The following SNX18 variants were observed in gnomAD, a reference collection of about 807,000 sequenced individuals.
SNX18 encodes the protein sorting nexin-18.
A neutral mutation model predicts 48.7 loss-of-function variants in SNX18; 35 were observed. The observed-to-expected ratio is 0.72, with a 90% CI of 0.55 to 0.95. SNX18 has a LOEUF of 0.95. Ranked by LOEUF, SNX18 falls within the 40% of genes least tolerant of loss-of-function variation. SNX18 has a pLI of 0.00. For missense variants in SNX18, 824 were observed against 871.0 expected, an observed-to-expected ratio of 0.95 and a Z score of 0.68; for synonymous variants, 492 against 384.7, an observed-to-expected ratio of 1.28 and a Z score of -3.26.
chr5:54,582,593 C>T, the SNX18 span, among the ~76,000 whole-genome samples: 3 of 151,472 alleles, frequency 2.0e-5, no homozygotes, highest in Non-Finnish European at 2.9e-5. Context: ...CCAAGACCTC[C>T]GTTCTACTAA....
the SNX18 span, among the ~76,000 whole-genome samples, chr5:54,612,669 C>A: frequency 2.0e-5 from 3 of 152,188 alleles, no homozygotes; most frequent in African/African-American, 4.8e-5. Flanking sequence ...TTGAAGGCAA[C>A]AAGGCATGGT....
the SNX18 span, among the ~76,000 whole-genome samples, chr5:54,558,900 T>C: frequency 6.6e-6 from 1 of 152,118 alleles, no homozygotes; most frequent in African/African-American, 2.4e-5. Context: ...TGCTGAAGAT[T>C]TGGAATAAGT....
chr5:54,607,251 G>A, the SNX18 span, among the ~76,000 whole-genome samples: 1 of 152,246 alleles, frequency 6.6e-6, no homozygotes, highest in East Asian at 1.9e-4. Context: ...TTCCAACCAT[G>A]TGGGCCCCCG....
chr5:54,550,534 G>A (rs981788419), downstream of SNX18, among the ~76,000 whole-genome samples: 1 of 152,164 alleles, frequency 6.6e-6, no homozygotes, highest in African/African-American at 2.4e-5. Flanking sequence ...ATATTTGTAC[G>A]CTACCCTTTG....
the SNX18 span, among the ~76,000 whole-genome samples, chr5:54,566,391 T>G: frequency 6.6e-6 from 1 of 152,332 alleles, no homozygotes; most frequent in East Asian, 1.9e-4. Flanking sequence ...ATGATGAACT[T>G]AAAGCATTTA....
At chr5:54,638,016 C>T in the SNX18 span, among the ~76,000 whole-genome samples, 1 of 130,536 alleles carries the variant, frequency 7.7e-6, no homozygotes, top group Non-Finnish European at 1.8e-5. Flanking sequence ...AGAGAGAGAA[C>T]ATTTTCTCCA....
chr5:54,522,871 T>G (rs990716320), intron 1 of SNX18, among the ~76,000 whole-genome samples: 1 of 152,210 alleles, frequency 6.6e-6, no homozygotes, highest in Non-Finnish European at 1.5e-5. Flanking sequence ...TCTGCAGAAG[T>G]GAAGAAAGCG....
the SNX18 span, among the ~76,000 whole-genome samples, chr5:54,565,514 C>T: frequency 2.6e-5 from 4 of 151,854 alleles, no homozygotes; most frequent in East Asian, 5.8e-4. Flanking sequence ...TTGAGGCTGC[C>T]GTGAGCCATG....
the SNX18 span, among the ~76,000 whole-genome samples, chr5:54,633,429 A>AAGCTGGAACTAAAAGTGTGCCTGG: frequency 1.3e-5 from 2 of 152,152 alleles, no homozygotes; most frequent in Non-Finnish European, 2.9e-5. Flanking sequence ...TGACTGAATG[A>AAGCTGGAACTAAAAGTGTGCCTGG]AGCTGGAACT....
the SNX18 span, among the ~76,000 whole-genome samples, chr5:54,637,825 C>T: frequency 3.3e-5 from 5 of 152,210 alleles, no homozygotes; most frequent in Admixed American, 6.5e-5. Context: ...ACCTTGCAAA[C>T]GGCTTCTCTT....
chr5:54,586,856 G>C, the SNX18 span, among the ~76,000 whole-genome samples: 1 of 152,186 alleles, frequency 6.6e-6, no homozygotes, highest in Non-Finnish European at 1.5e-5. Flanking sequence ...CCATGATACA[G>C]AGGAGAGTGG....
At chr5:54,602,188 T>A in the SNX18 span, among the ~76,000 whole-genome samples, 3 of 152,062 alleles carry the variant, frequency 2.0e-5, no homozygotes, top group African/African-American at 7.2e-5. Context: ...GATGTGGAAT[T>A]GGAGGGGTGA....
At chr5:54,637,710 T>G in the SNX18 span, among the ~76,000 whole-genome samples, 1 of 152,218 alleles carries the variant, frequency 6.6e-6, no homozygotes, top group Non-Finnish European at 1.5e-5. Flanking sequence ...AACAGTTGTG[T>G]CAAAATGGCC....
the SNX18 span, among the ~76,000 whole-genome samples, chr5:54,555,290 T>C: frequency 6.6e-6 from 1 of 152,212 alleles, no homozygotes; most frequent in African/African-American, 2.4e-5. Context: ...GGTATAATTC[T>C]CCTGCCTTCC....
the SNX18 span, among the ~76,000 whole-genome samples, chr5:54,569,230 G>C: frequency 6.6e-6 from 1 of 152,130 alleles, no homozygotes; most frequent in South Asian, 2.1e-4. Flanking sequence ...TCAGAAACTA[G>C]AGGAAGGTAT....
chr5:54,571,339 A>G, the SNX18 span, among the ~76,000 whole-genome samples: 1 of 152,086 alleles, frequency 6.6e-6, no homozygotes, highest in Non-Finnish European at 1.5e-5. Context: ...TTTTTCTTCT[A>G]TAGTCCATGA....
At chr5:54,609,881 C>T in the SNX18 span, among the ~76,000 whole-genome samples, 1 of 152,004 alleles carries the variant, frequency 6.6e-6, no homozygotes, top group African/African-American at 2.4e-5. Context: ...GTAGATTTCA[C>T]ATGAATGGTT....
chr5:54,518,691 G>C lies in SNX18; in HGVS notation c.739G>C (p.Glu247Gln), dbSNP rs141661757. ...CGGCGGGGAGGCCTTCGTGCTGGGG[G>C]AGGCGTCAGGCTTCGTGAAGGACGG... ...KSGGEAFVLG[E>Q]ASGFVKDGDK... Residue 247 changes from glutamate to glutamine, a missense_variant, in exon 1 of 2, where the codon GAG becomes CAG. By Grantham distance (29) the Glu-to-Gln change is conservative (BLOSUM62 2). Around this residue, in one of 3 missense-constraint regions of SNX18, gnomAD observed 443 missense variants for 503.6 expected, o/e 0.88. Transcript: ENST00000381410. The C allele has an allele frequency of 1.4e-5, 22 of 1,575,206 alleles. No homozygotes were observed. Among genetic ancestry groups the C allele is most frequent in the Admixed American group, 1.9e-5 (1 of 53,420 alleles).
chr5:54,592,146 T>A, the SNX18 span, among the ~76,000 whole-genome samples: 1 of 152,182 alleles, frequency 6.6e-6, no homozygotes, highest in African/African-American at 2.4e-5. Flanking sequence ...GGGGAGCTAT[T>A]GCTTTTCTTC....
Sources: gnomAD v4.1 joint callset for allele counts (sites outside exome capture counted in the v4.1 genomes callset) on GRCh38, gnomAD v4.1.1 for gene constraint, gnomAD v4.1.1 regional missense constraint, MANE v1.5 for transcripts, NCBI Gene and HGNC (gene_info 2026-07-23, HGNC 2026-07-21) for gene names.